The following ALPL variants were observed in gnomAD, a reference collection of about 807,000 sequenced individuals.
The protein encoded by ALPL is alkaline phosphatase, tissue-nonspecific isozyme.
A neutral mutation model predicts 51.3 loss-of-function variants in ALPL; 42 were observed. That is an observed-to-expected ratio of 0.82 (90% confidence interval 0.64 to 1.06). The LOEUF is 1.06. Among genes scored for constraint, ALPL ranks in the 50% least tolerant of loss-of-function variants. ALPL has a pLI of 0.00. For missense variants in ALPL, 589 were observed against 709.4 expected, an observed-to-expected ratio of 0.83 and a Z score of 1.93; for synonymous variants, 279 against 296.4, an observed-to-expected ratio of 0.94 and a Z score of 0.60.
rs1159854007 is a variant in ALPL at position 21,563,194 on chromosome 1, G to A, written c.382G>A (p.Val128Met). Residue 128 changes from valine to methionine, a missense_variant, in exon 5 of 12, where the codon GTG becomes ATG. Physicochemically the swap from Val to Met is conservative, Grantham distance 21 (BLOSUM62 1). Transcript: ENST00000374840. ...LCGVKANEGTVGVSAATERSR... is the reference protein window; with the variant it reads ...LCGVKANEGTMGVSAATERSR... ...TGGGGTGAAGGCCAATGAGGGCACCGTGGGGGTAAGCGCAGCCACTGAGCG... is the reference window on the plus strand; with the variant it reads ...TGGGGTGAAGGCCAATGAGGGCACCATGGGGGTAAGCGCAGCCACTGAGCG... 1.2e-5 allele frequency: 20 copies of A among 1,613,842 alleles called. No homozygotes were observed. Among genetic ancestry groups the A allele is most frequent in the Non-Finnish European group, 1.4e-5 (17 of 1,180,026 alleles).
At chr1:21,526,608 C>G (rs1232259470) in intron 1 of ALPL, among the ~76,000 whole-genome samples, 2 of 151,978 alleles carry the variant, frequency 1.3e-5, no homozygotes, top group African/African-American at 4.8e-5. Flanking sequence ...ATGATTTATA[C>G]TTGTAAACGC....
chr1:21,543,903 T>TG (rs1352816044), intron 1 of ALPL, among the ~76,000 whole-genome samples: 1 of 152,114 alleles, frequency 6.6e-6, no homozygotes, highest in Non-Finnish European at 1.5e-5. Context: ...GGTAGAGCCT[T>TG]GGAGGGTGTC....
chr1:21,530,074 C>T (rs1314090128), intron 1 of ALPL, among the ~76,000 whole-genome samples: 2 of 152,110 alleles, frequency 1.3e-5, no homozygotes, highest in Non-Finnish European at 2.9e-5. Context: ...CGCATCTGGT[C>T]CTGTTAATGG....
At chr1:21,566,065 G>A (rs973117109) in intron 6 of ALPL, among the ~76,000 whole-genome samples, 1 of 152,016 alleles carries the variant, frequency 6.6e-6, no homozygotes, top group Non-Finnish European at 1.5e-5. Context: ...CCCGTGACCT[G>A]GGGTCCCCTT....
At chr1:21,560,412 G>A (rs936627246) in intron 2 of ALPL, among the ~76,000 whole-genome samples, 8 of 152,190 alleles carry the variant, frequency 5.3e-5, no homozygotes, top group Admixed American at 1.3e-4. Context: ...ATTCTGAGAT[G>A]TGAGGAGAAG....
chr1:21,539,553 C>T (rs1358881587), intron 1 of ALPL, among the ~76,000 whole-genome samples: 1 of 152,202 alleles, frequency 6.6e-6, no homozygotes, highest in Non-Finnish European at 1.5e-5. Context: ...TAATTGCCCC[C>T]CAAATCCTCA....
chr1:21,538,174 C>T (rs1386071905), intron 1 of ALPL, among the ~76,000 whole-genome samples: 1 of 152,198 alleles, frequency 6.6e-6, no homozygotes, highest in Non-Finnish European at 1.5e-5. Flanking sequence ...TAGGCTCTCA[C>T]CAGGATGGTC....
intron 1 of ALPL, among the ~76,000 whole-genome samples, chr1:21,525,585 C>T (rs1890431): frequency 0.43 from 65,509 of 152,132 alleles, 15,016 homozygotes; most frequent in East Asian, 0.84. Context: ...AAGACGGGTG[C>T]GGGAGGACAT....
rs142608957 is a variant in ALPL, at chr1:21,568,189, C to T, written c.734C>T (p.Thr245Met). The change falls in exon 7 of 12, where the codon ACG becomes ATG. Residue 245 changes from threonine (T) to methionine (M), a missense_variant. Transcript: ENST00000374840. ...GAGAGTGACGAGAAAGCCAGGGGCACGAGGCTGGACGGCCTGGACCTCGTT... is the reference window on the plus strand; with the variant it reads ...GAGAGTGACGAGAAAGCCAGGGGCATGAGGCTGGACGGCCTGGACCTCGTT... The part of the protein sequence containing the change: ...EYESDEKARG[T>M]RLDGLDLVDT... 253 of 1,613,874 alleles carry T rather than the reference C, an allele frequency of 1.6e-4. 1 individual carries two copies. Among genetic ancestry groups the T allele is most frequent in the Non-Finnish European group, 2.0e-4 (236 of 1,180,042 alleles).
rs550358395 is a variant in ALPL, at chr1:21,577,578, C to A, written c.1505C>A (p.Ser502Ter). 1.2e-6 allele frequency: 2 copies of A among 1,602,864 alleles called. No homozygotes were observed. Among genetic ancestry groups the A allele is most frequent in the African/African-American group, 1.3e-5 (1 of 74,932 alleles). ...CTCGGCCACTGTGCTCCTGCCAGCT[C>A]GGCAGGCAGCCTTGCTGCAGGCCCC... ...ANLGHCAPASSAGSLAAGPLL... is the reference protein window; with the variant it reads ...ANLGHCAPAS The change falls in exon 12 of 12, where the codon TCG (serine) becomes TAG (stop). Residue 502 changes from serine to a stop codon, truncating the protein, a stop_gained. Transcript: ENST00000374840. LOFTEE classifies it low-confidence loss of function (END_TRUNC).
chr1:21,567,366 C>T (rs1644580252), intron 6 of ALPL, among the ~76,000 whole-genome samples: 1 of 148,838 alleles, frequency 6.7e-6, no homozygotes, highest in South Asian at 2.2e-4. Flanking sequence ...AACAAACAGT[C>T]CCGCGTCCGT....
chr1:21,571,765 T>C (rs1570293530), intron 8 of ALPL, among the ~76,000 whole-genome samples: 1 of 152,056 alleles, frequency 6.6e-6, no homozygotes, highest in East Asian at 1.9e-4. Flanking sequence ...CAAGGCAGGT[T>C]GATCACTTGA....
At chr1:21,523,052 G>A (rs745837138) in intron 1 of ALPL, among the ~76,000 whole-genome samples, 2 of 152,140 alleles carry the variant, frequency 1.3e-5, no homozygotes, top group Non-Finnish European at 2.9e-5. Flanking sequence ...TTGGGAGGCC[G>A]AGGTGGGTGG....
intron 8 of ALPL, among the ~76,000 whole-genome samples, chr1:21,571,132 T>C (rs1644641391): frequency 6.6e-6 from 1 of 152,158 alleles, no homozygotes; most frequent in Non-Finnish European, 1.5e-5. Context: ...CTGGTTTTGC[T>C]CATGGATCTT....
intron 2 of ALPL, among the ~76,000 whole-genome samples, chr1:21,559,821 C>T (rs1644460364): frequency 6.6e-6 from 1 of 152,180 alleles, no homozygotes; most frequent in East Asian, 1.9e-4. Context: ...TGCCCAGCAG[C>T]TGGGGTTTTA....
chr1:21,561,272 T>C, intron 4 of ALPL, 60 bp downstream of exon 4: 2 of 1,442,474 alleles, frequency 1.4e-6, no homozygotes, highest in Non-Finnish European at 1.9e-6. Flanking sequence ...GTCGAGCATC[T>C]GAACATGACA....
chr1:21,530,540 C>T (rs1644013967), intron 1 of ALPL, among the ~76,000 whole-genome samples: 1 of 152,172 alleles, frequency 6.6e-6, no homozygotes. Context: ...CTTGGTTTCT[C>T]ACTAGGTGTG....
intron 1 of ALPL, among the ~76,000 whole-genome samples, chr1:21,528,001 G>GT (rs35639476): frequency 1.2e-3 from 128 of 105,686 alleles, no homozygotes; most frequent in African/African-American, 5.1e-3. Flanking sequence ...GTGTGTACGT[G>GT]TTTTTTTTTT....
chr1:21,518,920 C>T (rs553627428), intron 1 of ALPL, among the ~76,000 whole-genome samples: 1 of 152,306 alleles, frequency 6.6e-6, no homozygotes, highest in South Asian at 2.1e-4. Flanking sequence ...TGTTGAGATG[C>T]TAACACACTG....
Sources: gnomAD v4.1 joint callset for allele counts (sites outside exome capture counted in the v4.1 genomes callset) on GRCh38, gnomAD v4.1.1 for gene constraint, MANE v1.5 for transcripts, NCBI Gene and HGNC (gene_info 2026-07-23, HGNC 2026-07-21) for gene names.